Variants in MAP3K1 observed in about 807,000 individuals in gnomAD.
MAP3K1 encodes MAP/ERK kinase kinase 1.
In MAP3K1, 36 loss-of-function variants were observed where a neutral mutation model predicts 144.2. The ratio of observed to expected loss-of-function variants is 0.25; its 90% confidence interval spans 0.19 to 0.33. MAP3K1 has a LOEUF of 0.33. Ranked by LOEUF, MAP3K1 falls within the 10% of genes least tolerant of loss-of-function variation. MAP3K1 has a pLI of 1.00. For missense variants in MAP3K1, 1,650 were observed against 1,881.9 expected, an observed-to-expected ratio of 0.88 and a Z score of 2.28; for synonymous variants, 718 against 688.7, an observed-to-expected ratio of 1.04 and a Z score of -0.67.
intron 1 of MAP3K1, among the ~76,000 whole-genome samples, chr5:56,819,096 A>T (rs545602294): frequency 2.0e-5 from 3 of 152,344 alleles, no homozygotes; most frequent in African/African-American, 7.2e-5. Context: ...TTTAAATCAG[A>T]TAAGAAAATT....
At chr5:56,864,709 C>T (rs749048553) in intron 3 of MAP3K1, 25 bp from the exon 4 acceptor site, 1 of 1,611,164 alleles carries the variant, frequency 6.2e-7, no homozygotes. Context: ...GAGAAACGTA[C>T]CTAATAAAAA....
intron 15 of MAP3K1, 63 bp downstream of exon 15, chr5:56,883,742 A>G: frequency 6.5e-7 from 1 of 1,547,010 alleles, no homozygotes; most frequent in East Asian, 2.2e-5. Context: ...ATGTTCAGTA[A>G]AAAGAATAAA....
intron 10 of MAP3K1, among the ~76,000 whole-genome samples, chr5:56,877,941 G>A (rs994875767): frequency 1.3e-5 from 2 of 152,080 alleles, no homozygotes; most frequent in Non-Finnish European, 2.9e-5. Context: ...CTCAATTTGG[G>A]TTTATCTGAT....
Position 56,884,689 on chromosome 5 carries a change from C to T in MAP3K1, c.3845C>T (p.Ser1282Phe). 1 of 1,613,770 alleles carries T rather than the reference C, an allele frequency of 6.2e-7. No individual in the cohort carries two copies. Among genetic ancestry groups the T allele is most frequent in the Non-Finnish European group, 8.5e-7 (1 of 1,179,872 alleles). ...GTGACTTATGTCAGAAACACATCTT[C>T]TGAGCAAGAAGAAGTAGTAGAAGCA... Reference protein sequence around the residue: ...KQVTYVRNTSSEQEEVVEALR... With the variant: ...KQVTYVRNTSFEQEEVVEALR... Residue 1282 changes from serine to phenylalanine, a missense_variant, in exon 16 of 20, where the codon TCT becomes TTT. Transcript: ENST00000399503.
At chr5:56,849,353 TA>T (rs60934512) in intron 1 of MAP3K1, among the ~76,000 whole-genome samples, 98,462 of 145,270 alleles carry the variant, frequency 0.68, 34,812 homozygotes, top group Non-Finnish European at 0.81. Flanking sequence ...TCTCTGTCTT[TA>T]AAAAAAAAAA....
chr5:56,850,341 A>G (rs1747131166), intron 1 of MAP3K1, among the ~76,000 whole-genome samples: 1 of 152,236 alleles, frequency 6.6e-6, no homozygotes. Context: ...GGACACCAAG[A>G]GAATCAAGAT....
At position 56,882,046 on chromosome 5, in the gene MAP3K1, CA is replaced by C. The variant is rs1190638780; in HGVS notation, c.2847del (p.Glu950SerfsTer18). The C allele has an allele frequency of 6.6e-7, 1 of 1,519,686 alleles. No homozygotes were observed. Among genetic ancestry groups the C allele is most frequent in the Non-Finnish European group, 9.1e-7 (1 of 1,099,916 alleles). The allele number at this position is 1,519,686 out of a possible 1,614,324, so 94.1% of individuals were successfully genotyped here. A position where few individuals can be genotyped will look rare whatever the true frequency, so the allele number is the denominator to read the frequency against. On this transcript the variant is annotated frameshift_variant, in exon 14 of 20. Coordinates refer to ENST00000399503, the MANE Select transcript of MAP3K1 (RefSeq NM_005921.2). LOFTEE classifies it high-confidence loss of function. ...SSSTTTTTTT[T>X]EQPKPMVQTK... The stretch of plus-strand genomic sequence containing the variant: ...TCAACAACAACAACAACAACAACAA[CA>C]GAGCAACCAAAGCCAATGGTTCAAA...
chr5:56,874,597 T>C (rs1282779794), intron 9 of MAP3K1, among the ~76,000 whole-genome samples: 1 of 152,206 alleles, frequency 6.6e-6, no homozygotes, highest in African/African-American at 2.4e-5. Context: ...CTTGAAACCT[T>C]CTCCTGGTGC....
rs746672766 is a variant in MAP3K1, at chr5:56,893,645, C to T, written c.4504C>T (p.Leu1502=). 3 of 1,613,952 alleles carry T rather than the reference C, an allele frequency of 1.9e-6. No individual in the cohort carries two copies. In the East Asian group the frequency reaches 6.7e-5, roughly 36 times the overall value. The change falls in exon 20 of 20, where the codon CTA becomes TTA. Residue 1502 remains leucine (L), a synonymous_variant. Coordinates refer to ENST00000399503, the MANE Select transcript of MAP3K1 (RefSeq NM_005921.2). ...QPQDRPPSRE[L]LKHPVFRTTW ...TCAGGACAGACCTCCATCAAGAGAG[C>T]TACTGAAGCATCCAGTCTTTCGTAC...
chr5:56,826,960 C>T (rs936980673), intron 1 of MAP3K1, among the ~76,000 whole-genome samples: 6 of 152,138 alleles, frequency 3.9e-5, no homozygotes, highest in South Asian at 2.1e-4. Context: ...CACTGTGAGT[C>T]GGGGAGGCAT....
chr5:56,831,208 CAT>C (rs1746482261), intron 1 of MAP3K1, among the ~76,000 whole-genome samples: 1 of 134,606 alleles, frequency 7.4e-6, no homozygotes, highest in Non-Finnish European at 1.5e-5. Context: ...TTTTTAGGAT[CAT>C]GTGTGTGAAT....
chr5:56,882,069 C>G lies in MAP3K1; in HGVS notation c.2869C>G (p.Gln957Glu). 1 of 1,614,102 alleles carries G rather than the reference C, an allele frequency of 6.2e-7. No homozygotes were observed. The highest frequency in any genetic ancestry group is 1.3e-5 in the African/African-American group (1 of 75,016). The change falls in exon 14 of 20, where the codon CAA (glutamine) becomes GAA (glutamate). Residue 957 changes from glutamine (Q) to glutamate (E), a missense_variant. Transcript: ENST00000399503. The part of the protein sequence containing the change: ...TTTEQPKPMV[Q>E]TKGRPHSQCL... Reference sequence around the variant, plus strand: ...AACAGAGCAACCAAAGCCAATGGTTCAAACAAAAGGCAGACCCCACAGTCA... The same window carrying G: ...AACAGAGCAACCAAAGCCAATGGTTGAAACAAAAGGCAGACCCCACAGTCA...
Position 56,816,005 on chromosome 5 carries a change from G to A in MAP3K1, c.432G>A (p.Gly144=). Residue 144 remains glycine, a synonymous_variant, in exon 1 of 20, where the codon GGG becomes GGA. Transcript: ENST00000399503. ...CGAGTCCCGCAGCGGCCGAGCCCGGGGAGAAGCGGGCGCCCGCCGCCGAGC... is the reference window on the plus strand; with the variant it reads ...CGAGTCCCGCAGCGGCCGAGCCCGGAGAGAAGCGGGCGCCCGCCGCCGAGC... ...GASSPAAAEP[G]EKRAPAAEPS... is the part of the protein sequence containing the mutation. 8.1e-7 allele frequency: 1 copy of A among 1,227,788 alleles called. No homozygotes were observed. Among genetic ancestry groups the A allele is most frequent in the South Asian group, 3.9e-5 (1 of 25,826 alleles). 76.1% of individuals were successfully genotyped at this position (1,227,788 alleles called of 1,614,324 possible). A position where few individuals can be genotyped will look rare whatever the true frequency, so the allele number is the denominator to read the frequency against.
intron 18 of MAP3K1, 64 bp from the exon 19 acceptor site, chr5:56,888,162 C>T: frequency 6.8e-7 from 1 of 1,477,710 alleles, no homozygotes; most frequent in South Asian, 1.1e-5. Context: ...GAATCTATAA[C>T]TACAAAATGG....
intron 3 of MAP3K1, among the ~76,000 whole-genome samples, chr5:56,860,580 C>T (rs568493603): frequency 3.9e-5 from 6 of 152,246 alleles, no homozygotes; most frequent in East Asian, 1.9e-4. Flanking sequence ...AGGCTGGGAG[C>T]GGTGGCTCAC....
At chr5:56,862,570 A>C (rs778590070) in intron 3 of MAP3K1, among the ~76,000 whole-genome samples, 12 of 152,276 alleles carry the variant, frequency 7.9e-5, no homozygotes, top group Non-Finnish European at 1.6e-4. Context: ...CATTAGCTGG[A>C]TAAATCATGG....
At chr5:56,862,678 C>T (rs1358015009) in intron 3 of MAP3K1, among the ~76,000 whole-genome samples, 1 of 152,180 alleles carries the variant, frequency 6.6e-6, no homozygotes, top group East Asian at 1.9e-4. Context: ...CGTATGTCAT[C>T]TTGTACATCT....
intron 1 of MAP3K1, among the ~76,000 whole-genome samples, chr5:56,822,787 A>G (rs1746192479): frequency 6.6e-6 from 1 of 152,186 alleles, no homozygotes; most frequent in South Asian, 2.1e-4. Context: ...CAGATGTCTA[A>G]AACCAAATTA....
intron 10 of MAP3K1, among the ~76,000 whole-genome samples, chr5:56,876,143 A>G (rs1389834365): frequency 3.1e-5 from 4 of 128,712 alleles, no homozygotes; most frequent in Non-Finnish European, 4.7e-5. Context: ...CCTCAGTACT[A>G]TTAACATTTG....
Sources: allele counts gnomAD v4.1 joint callset (sites outside exome capture counted in the v4.1 genomes callset), GRCh38; gene constraint gnomAD v4.1.1; transcripts MANE v1.5; gene names NCBI Gene and HGNC (gene_info 2026-07-23, HGNC 2026-07-21).